The following XPR1 variants were observed in gnomAD, a reference collection of about 807,000 sequenced individuals.
XPR1 encodes the protein xenotropic and polytropic retrovirus receptor 1, also known as solute carrier family 53 member 1.
A neutral mutation model predicts 87.5 loss-of-function variants in XPR1; 28 were observed. The observed-to-expected ratio is 0.32, with a 90% CI of 0.24 to 0.44. The LOEUF (loss-of-function observed/expected upper bound fraction) is 0.44, where lower values mean the gene tolerates loss of function less well. XPR1 is among the 20% of genes least tolerant of loss of function. The pLI is 1.00. For missense variants in XPR1, 559 were observed against 862.3 expected, an observed-to-expected ratio of 0.65 and a Z score of 4.41; for synonymous variants, 300 against 306.1, an observed-to-expected ratio of 0.98 and a Z score of 0.21.
At chr1:180,747,933 C>T (rs957904584) in intron 2 of XPR1, among the ~76,000 whole-genome samples, 2 of 152,182 alleles carry the variant, frequency 1.3e-5, no homozygotes, top group African/African-American at 4.8e-5. Flanking sequence ...TCTTTGAAAT[C>T]AGAAGAACAA....
At chr1:180,739,774 T>C (rs1658858151) in intron 2 of XPR1, among the ~76,000 whole-genome samples, 1 of 152,150 alleles carries the variant, frequency 6.6e-6, no homozygotes, top group South Asian at 2.1e-4. Context: ...AGGGTCTCAC[T>C]ATGTTTCCCA....
At chr1:180,818,187 T>C (rs1650482255) in intron 7 of XPR1, among the ~76,000 whole-genome samples, 1 of 152,226 alleles carries the variant, frequency 6.6e-6, no homozygotes, top group Non-Finnish European at 1.5e-5. Flanking sequence ...TCATATTCTT[T>C]ATAATATTTG....
chr1:180,845,795 G>A lies in XPR1; in HGVS notation c.1501+9079G>A, dbSNP rs193206609. On this transcript the variant is annotated intron_variant, in intron 11 of 14. Coordinates refer to ENST00000367590, the MANE Select transcript of XPR1 (RefSeq NM_004736.4). ...GCCTGCTGACACACTTAAATTAAGA[G>A]CAATGTGGACTCGGCCAAAATACGA... Among the ~76,000 whole-genome samples, 10 of 152,174 alleles carry A rather than the reference G, an allele frequency of 6.6e-5. No homozygotes were observed. In the East Asian group the frequency reaches 1.5e-3, roughly 24 times the overall value.
intron 2 of XPR1, among the ~76,000 whole-genome samples, chr1:180,689,810 T>C (rs1002365428): frequency 3.9e-5 from 6 of 152,200 alleles, no homozygotes; most frequent in Non-Finnish European, 7.3e-5. Context: ...ATATTGGAAC[T>C]CTCTGTACTA....
chr1:180,657,433 T>G (rs1225363958), intron 1 of XPR1, among the ~76,000 whole-genome samples: 4 of 151,876 alleles, frequency 2.6e-5, no homozygotes, highest in Admixed American at 6.5e-5. Context: ...GGTTTTAGAT[T>G]TAAGCCTTTA....
intron 3 of XPR1, among the ~76,000 whole-genome samples, chr1:180,789,118 C>G (rs1355185685): frequency 6.6e-6 from 1 of 152,172 alleles, no homozygotes; most frequent in Admixed American, 6.5e-5. Context: ...TCTTAGCTAT[C>G]ATTGTTCTTC....
At chr1:180,720,791 T>G (rs1361429711) in intron 2 of XPR1, among the ~76,000 whole-genome samples, 1 of 152,196 alleles carries the variant, frequency 6.6e-6, no homozygotes, top group Non-Finnish European at 1.5e-5. Flanking sequence ...CTATTGCCTT[T>G]TGTTGTACCA....
chr1:180,872,723 C>T (rs1652542115), intron 12 of XPR1, among the ~76,000 whole-genome samples: 1 of 146,528 alleles, frequency 6.8e-6, no homozygotes, highest in African/African-American at 2.5e-5. Context: ...GTCTGGCACT[C>T]CCTAGTGAGA....
chr1:180,662,103 GAGT>G (rs1655800602), intron 1 of XPR1, among the ~76,000 whole-genome samples: 1 of 152,072 alleles, frequency 6.6e-6, no homozygotes, highest in Non-Finnish European at 1.5e-5. Flanking sequence ...CTTCAGATAT[GAGT>G]AGTTTACACA....
intron 1 of XPR1, among the ~76,000 whole-genome samples, chr1:180,643,691 A>T (rs575634682): frequency 6.6e-6 from 1 of 152,324 alleles, no homozygotes; most frequent in South Asian, 2.1e-4. Flanking sequence ...GAGTTAAGAT[A>T]ATGAACCTAG....
chr1:180,692,885 C>CG (rs1476757295), intron 2 of XPR1, among the ~76,000 whole-genome samples: 2 of 151,988 alleles, frequency 1.3e-5, no homozygotes, highest in African/African-American at 4.8e-5. Flanking sequence ...GTTATAAACA[C>CG]GGGTTTATAA....
At chr1:180,806,409 G>A in intron 5 of XPR1, 65 bp from the exon 6 acceptor site, 1 of 1,557,510 alleles carries the variant, frequency 6.4e-7, no homozygotes, top group Non-Finnish European at 8.8e-7. Context: ...AAATGGTACA[G>A]AATTATTTGT....
At chr1:180,644,188 C>G (rs1024528438) in intron 1 of XPR1, among the ~76,000 whole-genome samples, 1 of 152,206 alleles carries the variant, frequency 6.6e-6, no homozygotes, top group Non-Finnish European at 1.5e-5. Context: ...TACATAATTA[C>G]TAGAAGGTGG....
At chr1:180,842,911 A>G (rs1198033813) in intron 11 of XPR1, among the ~76,000 whole-genome samples, 5 of 152,236 alleles carry the variant, frequency 3.3e-5, no homozygotes, top group South Asian at 2.1e-4. Flanking sequence ...AGCATTTGCT[A>G]CTAGACTTTA....
intron 11 of XPR1, among the ~76,000 whole-genome samples, chr1:180,840,368 C>T (rs2102175638): frequency 6.6e-6 from 1 of 151,744 alleles, no homozygotes; most frequent in East Asian, 1.9e-4. Flanking sequence ...AGAGGGAGGG[C>T]AGATATATTT....
At chr1:180,860,147 A>G (rs1445341189) in intron 11 of XPR1, among the ~76,000 whole-genome samples, 1 of 152,154 alleles carries the variant, frequency 6.6e-6, no homozygotes. Flanking sequence ...AGTAAAGATT[A>G]ATATCACAAC....
intron 2 of XPR1, among the ~76,000 whole-genome samples, chr1:180,693,864 C>G (rs546379979): frequency 4.6e-5 from 7 of 152,278 alleles, no homozygotes; most frequent in African/African-American, 1.7e-4. Context: ...CCAATAAGAT[C>G]ACATCACAGA....
intron 2 of XPR1, among the ~76,000 whole-genome samples, chr1:180,725,251 A>G (rs1041877496): frequency 6.6e-6 from 1 of 152,214 alleles, no homozygotes; most frequent in African/African-American, 2.4e-5. Context: ...TGTGCATTTT[A>G]AATGTTATTT....
chr1:180,684,285 G>C (rs1275104479), intron 2 of XPR1, among the ~76,000 whole-genome samples: 2 of 152,072 alleles, frequency 1.3e-5, no homozygotes, highest in South Asian at 4.1e-4. Context: ...GTAGATATGC[G>C]GCATTATTTC....
Sources: allele counts gnomAD v4.1 joint callset (sites outside exome capture counted in the v4.1 genomes callset), GRCh38; gene constraint gnomAD v4.1.1; transcripts MANE v1.5; gene names NCBI Gene and HGNC (gene_info 2026-07-23, HGNC 2026-07-21).